SUSD1: variants seen among roughly 807,000 people sequenced by gnomAD.
The protein encoded by SUSD1 is sushi domain containing 1.
SUSD1 carries 65 observed loss-of-function variants against 86.9 expected under a neutral mutation model. That is an observed-to-expected ratio of 0.75 (90% CI 0.61 to 0.92). The LOEUF (loss-of-function observed/expected upper bound fraction) is 0.92, where lower values mean the gene tolerates loss of function less well. Among genes scored for constraint, SUSD1 ranks in the 40% least tolerant of loss-of-function variants. The pLI is 0.00. For missense variants in SUSD1, 850 were observed against 929.7 expected (o/e 0.91, Z 1.11); for synonymous variants, 346 against 350.0 (o/e 0.99, Z 0.13).
chr9:112,079,681 A>C (rs28405472), intron 11 of SUSD1, among the ~76,000 whole-genome samples: 37,975 of 150,914 alleles, frequency 0.25, 5,143 homozygotes, highest in African/African-American at 0.35. Context: ...TGGTTAACAG[A>C]AACCTCCACC....
chr9:112,165,297 T>C (rs1285101076), intron 1 of SUSD1, among the ~76,000 whole-genome samples: 1 of 152,176 alleles, frequency 6.6e-6, no homozygotes, highest in Admixed American at 6.5e-5. Flanking sequence ...TCCTCTGTAT[T>C]ATAAACAATA....
chr9:112,101,333 A>G (rs1830627209), intron 9 of SUSD1, among the ~76,000 whole-genome samples: 2 of 151,916 alleles, frequency 1.3e-5, no homozygotes, highest in African/African-American at 2.4e-5. Context: ...CTGCACTCCA[A>G]CCTGGGTAAC....
At chr9:112,126,261 G>A (rs150982199) in intron 5 of SUSD1, among the ~76,000 whole-genome samples, 142 of 152,302 alleles carry the variant, frequency 9.3e-4, no homozygotes, top group Non-Finnish European at 1.6e-3. Flanking sequence ...CATGTACACT[G>A]AAGGTGGAAG....
At chr9:112,124,018 C>A (rs948306049) in intron 6 of SUSD1, among the ~76,000 whole-genome samples, 2 of 151,910 alleles carry the variant, frequency 1.3e-5, no homozygotes, top group Admixed American at 1.3e-4. Flanking sequence ...GGAATCACAG[C>A]GATTTAAGGT....
At chr9:112,082,953 T>C (rs1366759989) in intron 10 of SUSD1, among the ~76,000 whole-genome samples, 1 of 151,978 alleles carries the variant, frequency 6.6e-6, no homozygotes, top group African/African-American at 2.4e-5. Flanking sequence ...CTTGAACTCC[T>C]GGGCTCCCAC....
At chr9:112,075,791 G>A (rs899713232) in intron 12 of SUSD1, among the ~76,000 whole-genome samples, 2 of 152,180 alleles carry the variant, frequency 1.3e-5, no homozygotes, top group Non-Finnish European at 2.9e-5. Flanking sequence ...GCTCTATGAA[G>A]AAATTGAAGC....
chr9:112,115,813 A>AAAAGAAAAAAG (rs1564308728), intron 6 of SUSD1, among the ~76,000 whole-genome samples: 3,153 of 15,936 alleles, frequency 0.2, 158 homozygotes, highest in African/African-American at 0.34. Context: ...CATTGCAAAA[A>AAAAGAAAAAAG]AAAAAAAAAA....
intron 2 of SUSD1, among the ~76,000 whole-genome samples, chr9:112,154,217 A>G (rs2131808440): frequency 6.6e-6 from 1 of 151,984 alleles, no homozygotes; most frequent in African/African-American, 2.4e-5. Flanking sequence ...GGCCAGGTGC[A>G]GTAGCTCACA....
intron 1 of SUSD1, among the ~76,000 whole-genome samples, chr9:112,165,954 A>AAAGG (rs929195960): frequency 4.8e-5 from 7 of 147,014 alleles, no homozygotes; most frequent in African/African-American, 1.6e-4. Flanking sequence ...AGAAAGAAAG[A>AAAGG]AAGAAAGAAA....
chr9:112,137,182 G>GCTATTA (rs796861334), intron 5 of SUSD1, among the ~76,000 whole-genome samples: 25 of 152,278 alleles, frequency 1.6e-4, no homozygotes, highest in African/African-American at 6.0e-4. Flanking sequence ...ATCAGGCTTT[G>GCTATTA]CTATTAATGG....
chr9:112,129,036 A>G (rs1831902868), intron 5 of SUSD1, among the ~76,000 whole-genome samples: 2 of 152,222 alleles, frequency 1.3e-5, no homozygotes. Flanking sequence ...GCTGTTAGGT[A>G]GAGAAAGGTT....
At chr9:112,042,788 G>C (rs1162633538) in intron 15 of SUSD1, among the ~76,000 whole-genome samples, 1 of 152,166 alleles carries the variant, frequency 6.6e-6, no homozygotes, top group Non-Finnish European at 1.5e-5. Context: ...AGGAACCAAG[G>C]TGGGAGTGGC....
intron 5 of SUSD1, among the ~76,000 whole-genome samples, chr9:112,129,536 C>T (rs1831925376): frequency 6.6e-6 from 1 of 152,206 alleles, no homozygotes; most frequent in South Asian, 2.1e-4. Context: ...TGGCCTCAAA[C>T]TCCTGGGCTC....
chr9:112,085,446 G>A (rs1468131060), intron 10 of SUSD1, among the ~76,000 whole-genome samples: 1 of 152,176 alleles, frequency 6.6e-6, no homozygotes, highest in Non-Finnish European at 1.5e-5. Flanking sequence ...TTATTCCCAT[G>A]TTCACAGTTA....
intron 9 of SUSD1, among the ~76,000 whole-genome samples, chr9:112,100,992 C>A (rs1053844705): frequency 6.6e-6 from 1 of 151,728 alleles, no homozygotes; most frequent in African/African-American, 2.4e-5. Flanking sequence ...GCCTATTTAC[C>A]TATATATTTC....
intron 13 of SUSD1, among the ~76,000 whole-genome samples, chr9:112,061,566 G>A (rs961278447): frequency 1.3e-5 from 2 of 152,142 alleles, no homozygotes; most frequent in Non-Finnish European, 2.9e-5. Context: ...TATCACATTT[G>A]TTCTTGCAAA....
At position 112,080,758 on chromosome 9, in the gene SUSD1, C is replaced by T. The variant is rs1420978090; in HGVS notation, c.1475-593G>A. ...GTCTATTTACTGCAAGCTTCCTTGGCTTACTAAGCTAAAATTACAACTATT... is the reference window on the plus strand; with the variant it reads ...GTCTATTTACTGCAAGCTTCCTTGGTTTACTAAGCTAAAATTACAACTATT... On this transcript the variant is annotated intron_variant, in intron 10 of 16. Coordinates refer to ENST00000374270, the MANE Select transcript of SUSD1 (RefSeq NM_022486.5). Among the ~76,000 whole-genome samples, 4 of 151,910 alleles carry T rather than the reference C, an allele frequency of 2.6e-5. 1 individual carries two copies. The East Asian group carries it at 7.7e-4, about 29-fold the overall frequency.
chr9:112,090,266 T>A (rs767541600), intron 10 of SUSD1, among the ~76,000 whole-genome samples: 5 of 152,148 alleles, frequency 3.3e-5, no homozygotes, highest in African/African-American at 4.8e-5. Flanking sequence ...ACGAAATAGG[T>A]AATTCCTTGC....
chr9:112,061,415 T>C (rs1049791150), intron 13 of SUSD1, among the ~76,000 whole-genome samples: 1 of 152,186 alleles, frequency 6.6e-6, no homozygotes, highest in Non-Finnish European at 1.5e-5. Context: ...GAAGGACTTT[T>C]CTCCTCTTTT....
Sources: allele counts gnomAD v4.1 joint callset (sites outside exome capture counted in the v4.1 genomes callset), GRCh38; gene constraint gnomAD v4.1.1; transcripts MANE v1.5; gene names NCBI Gene and HGNC (gene_info 2026-07-23, HGNC 2026-07-21).